RUNX3: variants seen among roughly 807,000 people sequenced by gnomAD.
RUNX3 encodes runt-related transcription factor 3.
RUNX3 carries 10 observed loss-of-function variants against 27.7 expected under a neutral mutation model. The observed-to-expected ratio is 0.36, with a 90% CI of 0.22 to 0.61. The LOEUF (loss-of-function observed/expected upper bound fraction) is 0.61, where lower values mean the gene tolerates loss of function less well. Ranked by LOEUF, RUNX3 falls within the 20% of genes least tolerant of loss-of-function variation. The pLI is 0.72. For synonymous variants in RUNX3, 270 were observed against 269.2 expected, an observed-to-expected ratio of 1.00 and a Z score of -0.03; for missense variants, 469 against 629.5, an observed-to-expected ratio of 0.75 and a Z score of 2.73.
intron 2 of RUNX3, among the ~76,000 whole-genome samples, chr1:24,964,007 G>A (rs1036721615): frequency 4.6e-5 from 7 of 152,194 alleles, no homozygotes; most frequent in Non-Finnish European, 8.8e-5. Context: ...AAAAGCCTGT[G>A]GCTTCCTTCT....
chr1:24,942,982 C>T (rs1391561688), intron 2 of RUNX3, among the ~76,000 whole-genome samples: 2 of 152,214 alleles, frequency 1.3e-5, no homozygotes, highest in Non-Finnish European at 2.9e-5. Context: ...ATGTGGGCAG[C>T]TGGGTAGGGT....
chr1:24,940,087 C>T (rs1641441688), intron 2 of RUNX3, among the ~76,000 whole-genome samples: 3 of 152,152 alleles, frequency 2.0e-5, no homozygotes, highest in Admixed American at 2.0e-4. Context: ...GGTAAGAGCT[C>T]CTCTGGCAGA....
At position 24,919,752 on chromosome 1, in the gene RUNX3, A is replaced by ACC. The variant is rs369959281; in HGVS notation, c.440-410_440-409dup. Among the ~76,000 whole-genome samples the ACC allele has an allele frequency of 4.6e-3, 615 of 134,146 alleles. 4 individuals carry two copies. Among genetic ancestry groups the ACC allele is most frequent in the African/African-American group, 0.015 (559 of 36,504 alleles). The allele number at this position is 134,146 out of a possible 152,430, so 88.0% of individuals were successfully genotyped here. ...AAAATATAAATAAAGAAGAAAAGAC[A>ACC]CCCCCCCCCCACGGTTCCACTAGCT... On this transcript the variant is annotated intron_variant, in intron 2 of 4. Coordinates refer to ENST00000308873, the MANE Select transcript of RUNX3 (RefSeq NM_004350.3).
intron 2 of RUNX3, among the ~76,000 whole-genome samples, chr1:24,953,402 G>GAAAAAA (rs553316885): frequency 8.5e-5 from 6 of 70,462 alleles, no homozygotes; most frequent in South Asian, 4.7e-4. Context: ...AAAGAAAAAT[G>GAAAAAA]AAAAAAAAAA....
At chr1:24,921,114 C>A (rs781635450) in intron 2 of RUNX3, among the ~76,000 whole-genome samples, 1 of 152,176 alleles carries the variant, frequency 6.6e-6, no homozygotes, top group South Asian at 2.1e-4. Context: ...GCTGCCCAAG[C>A]GCATCCCTCT....
intron 2 of RUNX3, among the ~76,000 whole-genome samples, chr1:24,922,279 C>G (rs1641015199): frequency 6.6e-6 from 1 of 151,668 alleles, no homozygotes; most frequent in Non-Finnish European, 1.5e-5. Context: ...CCTTGGCCTC[C>G]CAAAGTGTTG....
chr1:24,949,334 C>T (rs1302669465), intron 2 of RUNX3, among the ~76,000 whole-genome samples: 4 of 152,166 alleles, frequency 2.6e-5, no homozygotes, highest in African/African-American at 4.8e-5. Flanking sequence ...AAGTGCAAAT[C>T]GTCCAGCGTC....
chr1:24,945,177 A>G (rs1364727218), intron 2 of RUNX3, among the ~76,000 whole-genome samples: 7 of 152,262 alleles, frequency 4.6e-5, no homozygotes, highest in Non-Finnish European at 7.3e-5. Context: ...TGAATTTCAG[A>G]TAAATAATGA....
At chr1:24,910,957 G>C (rs1018481949) in intron 3 of RUNX3, among the ~76,000 whole-genome samples, 6 of 152,216 alleles carry the variant, frequency 3.9e-5, no homozygotes, top group African/African-American at 1.4e-4. Flanking sequence ...GAGCGGATGG[G>C]GAGGAGATGC....
Position 24,929,793 on chromosome 1 carries a change from C to A in RUNX3, c.76G>T (p.Gly26Cys). Residue 26 changes from glycine (G) to cysteine (C), a missense_variant, in exon 1 of 5, where the codon GGC becomes TGC. Physicochemically the swap from Gly to Cys is radical, Grantham distance 159. This residue lies in a region of RUNX3 where 115 missense variants were observed against 118.0 expected (regional missense o/e 0.97). Transcript: ENST00000308873. ...CCGCTGTTCTCGCCCATCTTGCCGCCGCCGCCGCCGCAGGGGAAGGCCGGG... is the reference window on the plus strand; with the variant it reads ...CCGCTGTTCTCGCCCATCTTGCCGCAGCCGCCGCCGCAGGGGAAGGCCGGG... The part of the protein sequence containing the change: ...PSPAFPCGGG[G>C]GKMGENSGAL... 1.4e-6 allele frequency: 2 copies of A among 1,427,050 alleles called. No individual in the cohort carries two copies. Among genetic ancestry groups the A allele is most frequent in the Non-Finnish European group, 1.8e-6 (2 of 1,098,260 alleles). The allele number at this position is 1,427,050 out of a possible 1,614,324, so 88.4% of individuals were successfully genotyped here.
In RUNX3 at chr1:24,929,747, G is replaced by C. The variant is rs1189366601; in HGVS notation, c.122C>G (p.Ala41Gly). 11 of 1,471,280 alleles carry C rather than the reference G, an allele frequency of 7.5e-6. No individual in the cohort carries two copies. The African/African-American group carries it at 1.3e-4, about 18-fold the overall frequency. The allele number at this position is 1,471,280 out of a possible 1,614,324, so 91.1% of individuals were successfully genotyped here. A position where few individuals can be genotyped will look rare whatever the true frequency, so the allele number is the denominator to read the frequency against. ...ENSGALSAQA[A>G]VGPGGRARPE... ...CCGGGCGCGCCCTCCGGGCCCCACG[G>C]CCGCCTGCGCGCTCAGCGCGCCGCT... The change falls in exon 1 of 5, where the codon GCC (alanine) becomes GGC (glycine). Residue 41 changes from alanine to glycine, a missense_variant. Ala to Gly is a moderately conservative substitution (Grantham distance 60, BLOSUM62 0). Transcript: ENST00000308873.
At chr1:24,934,992 T>C (rs892286779), upstream of RUNX3, among the ~76,000 whole-genome samples, 1 of 152,184 alleles carries the variant, frequency 6.6e-6, no homozygotes, top group African/African-American at 2.4e-5. Context: ...TGCTCTCCTT[T>C]GGCCTCAGAA....
chr1:24,959,970 A>C (rs555119661), intron 2 of RUNX3, among the ~76,000 whole-genome samples: 9 of 152,134 alleles, frequency 5.9e-5, no homozygotes, highest in Non-Finnish European at 8.8e-5. Flanking sequence ...TTCTGCCTGG[A>C]ACATCCTTTC....
chr1:24,957,148 A>C (rs1641955614), intron 2 of RUNX3, among the ~76,000 whole-genome samples: 1 of 152,196 alleles, frequency 6.6e-6, no homozygotes, highest in Admixed American at 6.5e-5. Flanking sequence ...TGCCAAAAAC[A>C]CTTTTCCCAG....
At chr1:24,959,349 G>C (rs1342331347) in intron 2 of RUNX3, among the ~76,000 whole-genome samples, 1 of 152,164 alleles carries the variant, frequency 6.6e-6, no homozygotes, top group Non-Finnish European at 1.5e-5. Context: ...TTTCCAGCCT[G>C]GGGGGCACTT....
At position 24,929,764 on chromosome 1, in the gene RUNX3, C is replaced by T. The variant is rs1433227991; in HGVS notation, c.105G>A (p.Ala35=). Residue 35 remains alanine (A), a synonymous_variant, in exon 1 of 5, where the codon GCG becomes GCA. Coordinates refer to ENST00000308873, the MANE Select transcript of RUNX3 (RefSeq NM_004350.3). ...GGGKMGENSG[A]LSAQAAVGPG... is the part of the protein sequence containing the mutation. ...GCCCCACGGCCGCCTGCGCGCTCAG[C>T]GCGCCGCTGTTCTCGCCCATCTTGC... 1.4e-6 allele frequency: 2 copies of T among 1,462,642 alleles called. No homozygotes were observed. The highest frequency in any genetic ancestry group is 2.7e-5 in the Admixed American group (1 of 37,168). The allele number at this position is 1,462,642 out of a possible 1,614,324, so 90.6% of individuals were successfully genotyped here. A position where few individuals can be genotyped will look rare whatever the true frequency, so the allele number is the denominator to read the frequency against.
upstream of RUNX3, among the ~76,000 whole-genome samples, chr1:24,934,837 G>C (rs75202487): frequency 2.3e-4 from 35 of 152,262 alleles, no homozygotes; most frequent in East Asian, 6.6e-3. Flanking sequence ...CTATTGTGAT[G>C]GGGAGAGGGA....
chr1:24,929,018 G>C (rs745631063), intron 1 of RUNX3: 1 of 456,832 alleles, frequency 2.2e-6, no homozygotes, highest in Non-Finnish European at 4.4e-6. Flanking sequence ...CCAGGGTTAG[G>C]GGTCCCCCAA....
chr1:24,939,528 C>T (rs1641426821), intron 2 of RUNX3, among the ~76,000 whole-genome samples: 1 of 152,264 alleles, frequency 6.6e-6, no homozygotes, highest in African/African-American at 2.4e-5. Context: ...GTGTAAACAG[C>T]AGACCATTGT....
Sources: allele counts gnomAD v4.1 joint callset (sites outside exome capture counted in the v4.1 genomes callset), GRCh38; gene constraint gnomAD v4.1.1; regional missense constraint gnomAD v4.1.1; transcripts MANE v1.5; gene names NCBI Gene and HGNC (gene_info 2026-07-23, HGNC 2026-07-21).